The following KCNAB2 variants were observed in gnomAD, a reference collection of about 807,000 sequenced individuals.
The protein encoded by KCNAB2 is potassium voltage-gated channel subfamily A regulatory beta subunit 2.
KCNAB2 carries 29 observed loss-of-function variants against 63.6 expected under a neutral mutation model. That is an observed-to-expected ratio of 0.46 (90% CI 0.34 to 0.62). The LOEUF (loss-of-function observed/expected upper bound fraction) is 0.62. KCNAB2 is among the 20% of genes least tolerant of loss of function. The pLI, the probability that KCNAB2 is intolerant of heterozygous loss-of-function variation, is 0.01. For synonymous variants in KCNAB2, 222 were observed against 224.2 expected (o/e 0.99, Z 0.09); for missense variants, 359 against 563.9 (o/e 0.64, Z 3.68).
intron 4 of KCNAB2, among the ~76,000 whole-genome samples, chr1:6,075,681 A>C (rs1227743983): frequency 6.6e-6 from 1 of 152,240 alleles, no homozygotes; most frequent in Non-Finnish European, 1.5e-5. Context: ...GCCAGCAGGG[A>C]AGCAAGGACC....
At chr1:6,049,758 A>G (rs1436000777) in intron 1 of KCNAB2, among the ~76,000 whole-genome samples, 4 of 152,218 alleles carry the variant, frequency 2.6e-5, no homozygotes, top group African/African-American at 9.6e-5. Flanking sequence ...TGTTCATGCA[A>G]CAGGCATTTG....
At chr1:5,999,087 C>A (rs543351240) in intron 1 of KCNAB2, among the ~76,000 whole-genome samples, 1 of 152,242 alleles carries the variant, frequency 6.6e-6, no homozygotes, top group African/African-American at 2.4e-5. Flanking sequence ...ATTTCAACGG[C>A]GCATTCTTCC....
At chr1:6,001,050 G>A (rs146842003) in intron 1 of KCNAB2, among the ~76,000 whole-genome samples, 1 of 152,184 alleles carries the variant, frequency 6.6e-6, no homozygotes, top group Non-Finnish European at 1.5e-5. Context: ...GTCCAAAGGC[G>A]CAGAGACAGC....
intron 1 of KCNAB2, among the ~76,000 whole-genome samples, chr1:5,993,600 C>A (rs1266633905): frequency 6.6e-6 from 1 of 152,208 alleles, no homozygotes; most frequent in Non-Finnish European, 1.5e-5. Context: ...TGCCCACCTT[C>A]CCACCCCGCC....
chr1:6,054,460 T>A (rs1051463358), intron 2 of KCNAB2, among the ~76,000 whole-genome samples: 40 of 152,290 alleles, frequency 2.6e-4, no homozygotes, highest in African/African-American at 9.1e-4. Context: ...CAAAAGCCTG[T>A]CTCTACTAAA....
At chr1:6,046,299 G>A (rs1042723886) in intron 1 of KCNAB2, 116 bp downstream of exon 1, 16 of 671,986 alleles carry the variant, frequency 2.4e-5, no homozygotes, top group Middle Eastern at 7.5e-4. Context: ...TGTCTGATCC[G>A]GAATTAGACC....
At chr1:6,060,628 G>A (rs551918641) in intron 2 of KCNAB2, among the ~76,000 whole-genome samples, 30 of 152,210 alleles carry the variant, frequency 2.0e-4, no homozygotes, top group Non-Finnish European at 3.2e-4. Context: ...CAGGCCAAGC[G>A]TGGTGGCTCA....
At chr1:6,027,817 C>T (rs920520734) in intron 1 of KCNAB2, among the ~76,000 whole-genome samples, 3 of 152,196 alleles carry the variant, frequency 2.0e-5, no homozygotes, top group African/African-American at 7.2e-5. Flanking sequence ...TGACATCTGT[C>T]GCCGTGCCAC....
chr1:6,013,839 G>A (rs1198783497), intron 1 of KCNAB2, among the ~76,000 whole-genome samples: 1 of 152,130 alleles, frequency 6.6e-6, no homozygotes, highest in Non-Finnish European at 1.5e-5. Context: ...TCGGTTCTCA[G>A]TGATCTTGAG....
intron 4 of KCNAB2, among the ~76,000 whole-genome samples, chr1:6,080,745 A>T (rs1664138211): frequency 6.6e-6 from 1 of 152,154 alleles, no homozygotes; most frequent in Admixed American, 6.5e-5. Context: ...CACGTGCAGC[A>T]TTTGGGCATG....
chr1:6,038,140 G>A (rs1660205287), intron 1 of KCNAB2, among the ~76,000 whole-genome samples: 1 of 151,784 alleles, frequency 6.6e-6, no homozygotes, highest in Non-Finnish European at 1.5e-5. Context: ...GCCTCCCAAA[G>A]TTCTGGGATT....
intron 1 of KCNAB2, among the ~76,000 whole-genome samples, chr1:6,014,579 T>C (rs1658376320): frequency 3.3e-5 from 5 of 152,222 alleles, no homozygotes; most frequent in African/African-American, 1.2e-4. Context: ...CTCGGCCAGC[T>C]GTCCTCGGCT....
Position 6,098,743 on chromosome 1 carries a change from C to T in KCNAB2, c.*169C>T. ...CCAAGTCGCTGCCAGACACCACCCA[C>T]TGCTTCGCCGGACAATGTCGAAGTC... On this transcript the variant is annotated 3_prime_UTR_variant, in exon 16 of 16. Transcript: ENST00000378083. The T allele has an allele frequency of 1.2e-6, 1 of 815,214 alleles. No individual in the cohort carries two copies. Among genetic ancestry groups the T allele is most frequent in the Non-Finnish European group, 1.9e-6 (1 of 531,874 alleles). The allele number at this position is 815,214 out of a possible 1,614,324, so 50.5% of individuals were successfully genotyped here.
At chr1:6,025,500 G>T (rs528005176) in intron 1 of KCNAB2, among the ~76,000 whole-genome samples, 16 of 152,334 alleles carry the variant, frequency 1.1e-4, no homozygotes, top group African/African-American at 3.6e-4. Context: ...GCCTCCCCAA[G>T]AAGGAATGGC....
At chr1:6,080,569 G>A (rs1664113919) in intron 4 of KCNAB2, among the ~76,000 whole-genome samples, 1 of 152,180 alleles carries the variant, frequency 6.6e-6, no homozygotes, top group African/African-American at 2.4e-5. Context: ...ACTAACCGGG[G>A]CTCAGCTTCA....
intron 1 of KCNAB2, among the ~76,000 whole-genome samples, chr1:6,048,732 T>A (rs1357674287): frequency 6.6e-6 from 1 of 152,236 alleles, no homozygotes; most frequent in African/African-American, 2.4e-5. Flanking sequence ...CTGGCCTTCT[T>A]TCTAAACACA....
In KCNAB2 at chr1:6,099,516, A is replaced by C. The variant is rs1665894228; in HGVS notation, c.*942A>C. The C allele has an allele frequency of 2.9e-6, 1 of 347,014 alleles. No individual in the cohort carries two copies. The highest frequency in any genetic ancestry group is 5.2e-6 in the Non-Finnish European group (1 of 192,476). 21.5% of individuals were successfully genotyped at this position (347,014 alleles called of 1,614,324 possible). ...CGGTGGCTGCTGGCCACACCACGGC[A>C]AGTGGCAGCAGGGGCCGGCCCTGTG... On this transcript the variant is annotated 3_prime_UTR_variant, in exon 16 of 16. Coordinates refer to ENST00000378083, the MANE Select transcript of KCNAB2 (RefSeq NM_001199862.2).
intron 5 of KCNAB2, among the ~76,000 whole-genome samples, chr1:6,083,491 G>C (rs2100720989): frequency 6.6e-6 from 1 of 152,298 alleles, no homozygotes; most frequent in Admixed American, 6.5e-5. Flanking sequence ...AAGTTCCCTG[G>C]GTCTCCGGCA....
intron 4 of KCNAB2, among the ~76,000 whole-genome samples, chr1:6,076,031 T>G (rs1475092698): frequency 6.6e-6 from 1 of 152,250 alleles, no homozygotes; most frequent in Non-Finnish European, 1.5e-5. Context: ...AGCTGAGTAA[T>G]TGCAACAGAG....
Sources: allele counts gnomAD v4.1 joint callset (sites outside exome capture counted in the v4.1 genomes callset), GRCh38; gene constraint gnomAD v4.1.1; transcripts MANE v1.5; gene names NCBI Gene and HGNC (gene_info 2026-07-23, HGNC 2026-07-21).